FBXO34: variants seen among roughly 807,000 people sequenced by gnomAD.
The protein encoded by FBXO34 is F-box protein 34.
Under a neutral mutation model 24.5 loss-of-function variants are expected in FBXO34, and 12 were observed. The observed-to-expected ratio is 0.49, with a 90% CI of 0.31 to 0.79. The LOEUF is 0.79. Ranked by LOEUF, FBXO34 falls within the 30% of genes least tolerant of loss-of-function variation. The pLI is 0.04. For synonymous variants in FBXO34, 320 were observed against 311.9 expected (o/e 1.03, Z -0.27); for missense variants, 823 against 857.7 (o/e 0.96, Z 0.51).
chr14:55,327,142 C>T (rs1403450793), intron 1 of FBXO34, among the ~76,000 whole-genome samples: 2 of 152,098 alleles, frequency 1.3e-5, no homozygotes, highest in African/African-American at 4.8e-5. Context: ...TGAGCAAAAG[C>T]CTGCAGGATG....
At chr14:55,290,384 T>C (rs1394809044) in intron 1 of FBXO34, among the ~76,000 whole-genome samples, 1 of 137,666 alleles carries the variant, frequency 7.3e-6, no homozygotes, top group East Asian at 2.0e-4. Context: ...AGAGTGAGAC[T>C]TCTCTCAAAA....
At chr14:55,398,429 C>T in the FBXO34 span, among the ~76,000 whole-genome samples, 1 of 152,116 alleles carries the variant, frequency 6.6e-6, no homozygotes, top group Non-Finnish European at 1.5e-5. Flanking sequence ...CTTCTATGCA[C>T]TGTTATAGCT....
chr14:55,406,762 T>TG, the FBXO34 span, among the ~76,000 whole-genome samples: 1 of 152,310 alleles, frequency 6.6e-6, no homozygotes, highest in South Asian at 2.1e-4. Flanking sequence ...AAGAGAAAGA[T>TG]GGAGAGTTAG....
chr14:55,377,733 G>T, the FBXO34 span: 1 of 951,238 alleles, frequency 1.1e-6, no homozygotes, highest in Non-Finnish European at 1.6e-6. Context: ...TTGGGATTAG[G>T]GAACACGACT....
chr14:55,435,810 G>T, the FBXO34 span: 1 of 1,320,894 alleles, frequency 7.6e-7, no homozygotes, highest in South Asian at 1.3e-5. Context: ...AATCTAAAGA[G>T]AAGCTAATTA....
At chr14:55,438,593 C>T in the FBXO34 span, among the ~76,000 whole-genome samples, 2 of 152,124 alleles carry the variant, frequency 1.3e-5, no homozygotes, top group Non-Finnish European at 2.9e-5. Context: ...GGCATTTTAT[C>T]AGGGAACAAA....
chr14:55,325,583 C>T (rs1460018968), intron 1 of FBXO34, among the ~76,000 whole-genome samples: 3 of 152,112 alleles, frequency 2.0e-5, no homozygotes, highest in Admixed American at 6.5e-5. Flanking sequence ...TCAAGCAATT[C>T]TTCTGCCTCA....
At chr14:55,299,356 C>G (rs1882261569) in intron 1 of FBXO34, 1 of 382,688 alleles carries the variant, frequency 2.6e-6, no homozygotes, top group Non-Finnish European at 4.9e-6. Flanking sequence ...GCTGCTCGCT[C>G]TCTGCATAGC....
the FBXO34 span, chr14:55,390,899 C>T: frequency 1.5e-5 from 24 of 1,551,240 alleles, no homozygotes; most frequent in African/African-American, 5.4e-5. Context: ...AGGAAGGACA[C>T]GAATTACTTA....
chr14:55,413,920 G>C, the FBXO34 span: 3 of 463,716 alleles, frequency 6.5e-6, no homozygotes, highest in Non-Finnish European at 8.5e-6. Context: ...TTTTTGAAAA[G>C]CAGCCATTCC....
chr14:55,418,827 AG>A, the FBXO34 span, among the ~76,000 whole-genome samples: 1 of 152,234 alleles, frequency 6.6e-6, no homozygotes, highest in African/African-American at 2.4e-5. Context: ...AGAAAAAACC[AG>A]GAGAGTGTGT....
At chr14:55,368,567 AG>A (rs1884737334), downstream of FBXO34, 1 of 152,240 alleles carries the variant, frequency 6.6e-6, no homozygotes, top group African/African-American at 2.4e-5. Context: ...AGAGCAGAGT[AG>A]CATCAGCCGT....
chr14:55,314,881 AC>A (rs1468842047), intron 1 of FBXO34, among the ~76,000 whole-genome samples: 1 of 151,896 alleles, frequency 6.6e-6, no homozygotes, highest in Non-Finnish European at 1.5e-5. Flanking sequence ...TCATCCCCCC[AC>A]TTCTCCCTCT....
At chr14:55,324,783 G>A (rs1883285826) in intron 1 of FBXO34, among the ~76,000 whole-genome samples, 2 of 152,104 alleles carry the variant, frequency 1.3e-5, no homozygotes, top group South Asian at 4.1e-4. Flanking sequence ...TTTTTATCAG[G>A]AATAAGTGCT....
chr14:55,414,774 G>A, the FBXO34 span, among the ~76,000 whole-genome samples: 1 of 152,082 alleles, frequency 6.6e-6, no homozygotes, highest in Admixed American at 6.6e-5. Context: ...CAGCACCTGC[G>A]GGCACTTAGC....
the FBXO34 span, among the ~76,000 whole-genome samples, chr14:55,431,159 A>G: frequency 6.6e-6 from 1 of 152,244 alleles, no homozygotes; most frequent in Non-Finnish European, 1.5e-5. Context: ...ATAGGTTTGG[A>G]TAAAATGTGG....
At chr14:55,429,515 G>A in the FBXO34 span, among the ~76,000 whole-genome samples, 2 of 152,146 alleles carry the variant, frequency 1.3e-5, no homozygotes, top group African/African-American at 4.8e-5. Context: ...TGTAATCCCA[G>A]CACTTTGGGA....
the FBXO34 span, chr14:55,378,105 G>A: frequency 1.3e-6 from 2 of 1,586,644 alleles, no homozygotes; most frequent in South Asian, 1.1e-5. Context: ...TTATAAAGTT[G>A]CATTTTTTGA....
chr14:55,428,992 T>C, the FBXO34 span: 11 of 1,613,286 alleles, frequency 6.8e-6, no homozygotes, highest in Admixed American at 3.3e-5. Context: ...GGGGCAAATA[T>C]GTTTAAAGAT....
Sources: gnomAD v4.1 joint callset for allele counts (sites outside exome capture counted in the v4.1 genomes callset) on GRCh38, gnomAD v4.1.1 for gene constraint, MANE v1.5 for transcripts, NCBI Gene and HGNC (gene_info 2026-07-23, HGNC 2026-07-21) for gene names.